Variants in SEMA5A observed in about 807,000 individuals in gnomAD.
SEMA5A encodes semaphorin 5A.
A neutral mutation model predicts 135.5 loss-of-function variants in SEMA5A; 55 were observed. The ratio of observed to expected loss-of-function variants is 0.41; its 90% CI spans 0.33 to 0.51. The LOEUF (loss-of-function observed/expected upper bound fraction) is 0.51. Ranked by LOEUF, SEMA5A falls within the 20% of genes least tolerant of loss-of-function variation. The probability of loss-of-function intolerance (pLI) is 0.37; values close to 1 mark genes in which losing one functional copy is unlikely to be tolerated. For missense variants in SEMA5A, 1,290 were observed against 1,419.9 expected (o/e 0.91, Z 1.47); for synonymous variants, 580 against 546.5 (o/e 1.06, Z -0.85).
chr5:9,347,158 T>C (rs1478648235), intron 3 of SEMA5A, among the ~76,000 whole-genome samples: 1 of 152,224 alleles, frequency 6.6e-6, no homozygotes, highest in Non-Finnish European at 1.5e-5. Context: ...ATTTGCATTT[T>C]CCTTTGTAAA....
chr5:9,425,842 A>G (rs1757628518), intron 2 of SEMA5A, among the ~76,000 whole-genome samples: 1 of 152,202 alleles, frequency 6.6e-6, no homozygotes, highest in Admixed American at 6.5e-5. Flanking sequence ...TTTAGAAAAT[A>G]AAAGGGGTAA....
chr5:9,252,232 C>A (rs1176004971), intron 5 of SEMA5A, among the ~76,000 whole-genome samples: 1 of 152,182 alleles, frequency 6.6e-6, no homozygotes, highest in Non-Finnish European at 1.5e-5. Context: ...CACTACTCCA[C>A]ATCTTCACTA....
chr5:9,399,948 GCCATATACA>G (rs1756578593), intron 2 of SEMA5A, among the ~76,000 whole-genome samples: 1 of 152,062 alleles, frequency 6.6e-6, no homozygotes. Flanking sequence ...AAGTAAAAGA[GCCATATACA>G]CCGTGGAATA....
intron 2 of SEMA5A, among the ~76,000 whole-genome samples, chr5:9,406,913 G>A (rs1756907918): frequency 6.6e-6 from 1 of 152,184 alleles, no homozygotes; most frequent in Non-Finnish European, 1.5e-5. Context: ...AAAATTAAGA[G>A]ATTCTAGAAT....
At chr5:9,102,395 G>A (rs1393591470) in intron 16 of SEMA5A, among the ~76,000 whole-genome samples, 2 of 152,114 alleles carry the variant, frequency 1.3e-5, no homozygotes, top group East Asian at 1.9e-4. Context: ...AAAACCCACA[G>A]GAATACATTG....
At position 9,060,895 on chromosome 5, in the gene SEMA5A, G is replaced by T. The variant is rs116713491; in HGVS notation, c.2518+1992C>A. On this transcript the variant is annotated intron_variant, in intron 18 of 22. Coordinates refer to ENST00000382496, the MANE Select transcript of SEMA5A (RefSeq NM_003966.3). ...TCTTGATGTAAGAACTCAGAAAGTT[G>T]TATCTACTAGAAATATGTTAATATT... Among the ~76,000 whole-genome samples, 751 of 152,220 alleles carry T rather than the reference G, an allele frequency of 4.9e-3. 9 individuals are homozygous for T. Among genetic ancestry groups the T allele is most frequent in the African/African-American group, 0.018 (735 of 41,534 alleles).
intron 11 of SEMA5A, among the ~76,000 whole-genome samples, chr5:9,172,937 A>G (rs1744006447): frequency 6.6e-6 from 1 of 152,194 alleles, no homozygotes; most frequent in African/African-American, 2.4e-5. Context: ...CAATGCTTTA[A>G]TCTCAAAATG....
chr5:9,200,700 A>G (rs1745658358), intron 9 of SEMA5A, among the ~76,000 whole-genome samples: 1 of 152,216 alleles, frequency 6.6e-6, no homozygotes, highest in Admixed American at 6.5e-5. Flanking sequence ...ATGGGGGGTA[A>G]AAGTTGTTAT....
At chr5:9,394,619 G>C (rs1005176319) in intron 2 of SEMA5A, among the ~76,000 whole-genome samples, 1 of 152,218 alleles carries the variant, frequency 6.6e-6, no homozygotes, top group South Asian at 2.1e-4. Flanking sequence ...TGATCTGGGA[G>C]GAGGTGGGGG....
chr5:9,352,096 G>GGGA (rs536997441), intron 3 of SEMA5A, among the ~76,000 whole-genome samples: 19 of 148,140 alleles, frequency 1.3e-4, no homozygotes, highest in African/African-American at 2.5e-5. Context: ...TAACAGGTCG[G>GGGA]GGGGGTTACT....
chr5:9,477,601 G>A (rs188390363), intron 1 of SEMA5A, among the ~76,000 whole-genome samples: 1 of 152,312 alleles, frequency 6.6e-6, no homozygotes, highest in African/African-American at 2.4e-5. Flanking sequence ...TGGTGGCATT[G>A]TGCCCCTGCT....
chr5:9,459,866 T>A (rs944293595), intron 1 of SEMA5A, among the ~76,000 whole-genome samples: 1 of 152,248 alleles, frequency 6.6e-6, no homozygotes, highest in African/African-American at 2.4e-5. Context: ...TAAATGTATA[T>A]TTTAAATGCC....
intron 3 of SEMA5A, among the ~76,000 whole-genome samples, chr5:9,375,627 C>A (rs374608471): frequency 3.4e-4 from 50 of 148,686 alleles, no homozygotes; most frequent in African/African-American, 1.2e-3. Flanking sequence ...TTTGTTACAG[C>A]AGCCCTAAGC....
intron 3 of SEMA5A, among the ~76,000 whole-genome samples, chr5:9,372,340 C>T (rs1755171748): frequency 6.6e-6 from 1 of 152,148 alleles, no homozygotes; most frequent in Admixed American, 6.5e-5. Context: ...CGCATGGAGC[C>T]ATGGGACACG....
chr5:9,317,877 C>T (rs777657819), intron 5 of SEMA5A, among the ~76,000 whole-genome samples: 13 of 152,120 alleles, frequency 8.5e-5, no homozygotes, highest in Non-Finnish European at 1.5e-4. Context: ...TTGTTCAAAC[C>T]GCAACAACAG....
At chr5:9,076,113 G>A (rs968472932) in intron 16 of SEMA5A, among the ~76,000 whole-genome samples, 1 of 151,072 alleles carries the variant, frequency 6.6e-6, no homozygotes, top group Admixed American at 6.6e-5. Context: ...GCTGAGGCAG[G>A]AGAATTGCTT....
At chr5:9,507,745 C>G (rs1006879548) in intron 1 of SEMA5A, among the ~76,000 whole-genome samples, 29 of 152,146 alleles carry the variant, frequency 1.9e-4, no homozygotes, top group African/African-American at 7.0e-4. Flanking sequence ...TGTCTCTCGC[C>G]TGTAATCCCA....
At chr5:9,183,515 C>T (rs1579560556) in intron 11 of SEMA5A, among the ~76,000 whole-genome samples, 1 of 152,324 alleles carries the variant, frequency 6.6e-6, no homozygotes, top group East Asian at 1.9e-4. Flanking sequence ...ACTGGAGGAA[C>T]CTCCTGGTCC....
At chr5:9,088,637 A>AATATATATATATATAT (rs71611400) in intron 16 of SEMA5A, among the ~76,000 whole-genome samples, 54 of 108,004 alleles carry the variant, frequency 5.0e-4, no homozygotes, top group South Asian at 2.2e-3. Context: ...CTACATTTAT[A>AATATATATATATATAT]ATATATATAT....
Sources: gnomAD v4.1 joint callset for allele counts (sites outside exome capture counted in the v4.1 genomes callset) on GRCh38, gnomAD v4.1.1 for gene constraint, MANE v1.5 for transcripts, NCBI Gene and HGNC (gene_info 2026-07-23, HGNC 2026-07-21) for gene names.